SLC39A11: variants seen among roughly 807,000 people sequenced by gnomAD.
The protein encoded by SLC39A11 is zinc transporter ZIP11.
A neutral mutation model predicts 36.1 loss-of-function variants in SLC39A11; 33 were observed. The ratio of observed to expected loss-of-function variants is 0.91; its 90% CI spans 0.69 to 1.22. The LOEUF is 1.22. Among genes scored for constraint, SLC39A11 ranks in the 50% most tolerant of loss-of-function variants. The probability of loss-of-function intolerance (pLI) is 0.00; values close to 1 mark genes in which losing one functional copy is unlikely to be tolerated. For missense variants in SLC39A11, 432 were observed against 430.3 expected, an observed-to-expected ratio of 1.00 and a Z score of -0.03; for synonymous variants, 166 against 170.3, an observed-to-expected ratio of 0.97 and a Z score of 0.20.
chr17:73,056,311 G>A (rs1455458855), intron 3 of SLC39A11, among the ~76,000 whole-genome samples: 1 of 152,094 alleles, frequency 6.6e-6, no homozygotes, highest in Non-Finnish European at 1.5e-5. Flanking sequence ...TGGGACTATA[G>A]GCGCCATCCA....
chr17:72,656,207 GAC>G (rs954210406), intron 7 of SLC39A11, among the ~76,000 whole-genome samples: 1 of 152,180 alleles, frequency 6.6e-6, no homozygotes, highest in Non-Finnish European at 1.5e-5. Context: ...CCCTTCTGAA[GAC>G]AGTGAAGCTG....
At chr17:73,068,333 T>C in intron 3 of SLC39A11, 1 of 562,110 alleles carries the variant, frequency 1.8e-6, no homozygotes, top group East Asian at 2.8e-5. Context: ...TTAGCCACTA[T>C]GTTTCAGGTC....
At chr17:72,709,669 C>T (rs1006593183) in intron 7 of SLC39A11, among the ~76,000 whole-genome samples, 4 of 152,218 alleles carry the variant, frequency 2.6e-5, no homozygotes, top group Non-Finnish European at 5.9e-5. Context: ...AGAGAGAGAA[C>T]TTTCCAGGTT....
At chr17:72,724,450 G>C (rs894442540) in intron 7 of SLC39A11, among the ~76,000 whole-genome samples, 2 of 152,070 alleles carry the variant, frequency 1.3e-5, no homozygotes, top group East Asian at 1.9e-4. Context: ...AGAAAGCGGT[G>C]GGGGGGAGTG....
At chr17:73,024,852 C>T (rs2058475446) in intron 4 of SLC39A11, among the ~76,000 whole-genome samples, 1 of 147,654 alleles carries the variant, frequency 6.8e-6, no homozygotes, top group Admixed American at 6.9e-5. Flanking sequence ...CACGCAACAC[C>T]ATGCCCAGCT....
chr17:72,966,302 C>T (rs538027952), intron 4 of SLC39A11, among the ~76,000 whole-genome samples: 2 of 152,300 alleles, frequency 1.3e-5, no homozygotes, highest in East Asian at 1.9e-4. Flanking sequence ...GTGACCTCCA[C>T]GCAAGCCGGC....
At chr17:72,967,399 A>AGAGAGAGAGAGAGAGAGAGT (rs143987646) in intron 4 of SLC39A11, among the ~76,000 whole-genome samples, 216 of 138,226 alleles carry the variant, frequency 1.6e-3, no homozygotes, top group Non-Finnish European at 2.4e-3. Context: ...AGAGAGAGAG[A>AGAGAGAGAGAGAGAGAGAGT]GTGTGTGTGT....
intron 6 of SLC39A11, among the ~76,000 whole-genome samples, chr17:72,756,039 C>A (rs887492341): frequency 1.3e-5 from 2 of 152,160 alleles, no homozygotes; most frequent in Non-Finnish European, 2.9e-5. Flanking sequence ...CTCGAGAAAA[C>A]AAAAACATAA....
At chr17:73,066,738 G>A (rs937571761) in intron 3 of SLC39A11, among the ~76,000 whole-genome samples, 1 of 152,218 alleles carries the variant, frequency 6.6e-6, no homozygotes, top group African/African-American at 2.4e-5. Flanking sequence ...GGAAAAGCAG[G>A]ACCAGGAGAT....
intron 3 of SLC39A11, among the ~76,000 whole-genome samples, chr17:73,080,008 C>A (rs2060460604): frequency 6.6e-6 from 1 of 152,158 alleles, no homozygotes; most frequent in South Asian, 2.1e-4. Flanking sequence ...CATGGAAACA[C>A]CTCCCATGCA....
At chr17:72,927,807 T>C (rs1272421513) in intron 5 of SLC39A11, among the ~76,000 whole-genome samples, 1 of 151,028 alleles carries the variant, frequency 6.6e-6, no homozygotes, top group African/African-American at 2.4e-5. Flanking sequence ...AGGAAATGTA[T>C]ACACACACAC....
At chr17:72,884,357 A>G (rs1304469226) in intron 5 of SLC39A11, among the ~76,000 whole-genome samples, 1 of 152,208 alleles carries the variant, frequency 6.6e-6, no homozygotes, top group East Asian at 1.9e-4. Context: ...GAATCCTCAG[A>G]GCGTTCATCC....
chr17:73,062,413 G>A (rs2059868307), intron 3 of SLC39A11, among the ~76,000 whole-genome samples: 1 of 133,320 alleles, frequency 7.5e-6, no homozygotes, highest in Non-Finnish European at 1.5e-5. Context: ...AGTGAGCTAA[G>A]ATTGCACCAC....
chr17:73,066,579 G>A (rs1019618704), intron 3 of SLC39A11, among the ~76,000 whole-genome samples: 1 of 152,152 alleles, frequency 6.6e-6, no homozygotes. Flanking sequence ...GGGAGAACAG[G>A]ACACATGGCC....
chr17:72,969,082 A>G (rs922083566), intron 4 of SLC39A11, among the ~76,000 whole-genome samples: 27 of 152,228 alleles, frequency 1.8e-4, no homozygotes, highest in African/African-American at 6.5e-4. Context: ...CATGTCTGGG[A>G]CACATTCCCT....
chr17:72,786,596 C>A (rs1470363580), intron 6 of SLC39A11, among the ~76,000 whole-genome samples: 1 of 152,094 alleles, frequency 6.6e-6, no homozygotes, highest in African/African-American at 2.4e-5. Context: ...TTTTTCAGGA[C>A]TGAAGGACAC....
At chr17:73,004,215 GA>G (rs1555674168) in intron 4 of SLC39A11, among the ~76,000 whole-genome samples, 1 of 121,700 alleles carries the variant, frequency 8.2e-6, no homozygotes, top group Admixed American at 8.6e-5. Flanking sequence ...AAGAAAGAAA[GA>G]AAGAAAGAAA....
intron 5 of SLC39A11, among the ~76,000 whole-genome samples, chr17:72,911,885 C>T (rs552459528): frequency 1.2e-4 from 18 of 152,334 alleles, no homozygotes; most frequent in African/African-American, 4.1e-4. Context: ...CTCAGGTGAT[C>T]TGCCCGCCTT....
chr17:72,749,581 C>T (rs1466728264), intron 6 of SLC39A11, among the ~76,000 whole-genome samples: 1 of 152,142 alleles, frequency 6.6e-6, no homozygotes, highest in Admixed American at 6.5e-5. Context: ...TTATTTTTCC[C>T]AAGACAAGCC....
Sources: gnomAD v4.1 joint callset for allele counts (sites outside exome capture counted in the v4.1 genomes callset) on GRCh38, gnomAD v4.1.1 for gene constraint, MANE v1.5 for transcripts, NCBI Gene and HGNC (gene_info 2026-07-23, HGNC 2026-07-21) for gene names.